Variants in PTPRM observed in about 807,000 individuals in gnomAD.
PTPRM encodes the protein protein tyrosine phosphatase receptor type M, also known as receptor-type tyrosine-protein phosphatase mu.
A neutral mutation model predicts 186.7 loss-of-function variants in PTPRM; 47 were observed. The ratio of observed to expected loss-of-function variants is 0.25; its 90% confidence interval spans 0.20 to 0.32. The LOEUF (loss-of-function observed/expected upper bound fraction) is 0.32. Among genes scored for constraint, PTPRM ranks in the 10% least tolerant of loss-of-function variants. PTPRM has a pLI of 1.00. For missense variants in PTPRM, 1,494 were observed against 1,865.0 expected (o/e 0.80, Z 3.66); for synonymous variants, 668 against 674.9 (o/e 0.99, Z 0.16).
At chr18:7,600,154 A>T (rs1208264733) in intron 1 of PTPRM, among the ~76,000 whole-genome samples, 1 of 152,160 alleles carries the variant, frequency 6.6e-6, no homozygotes, top group Non-Finnish European at 1.5e-5. Context: ...GCTGAAGGGT[A>T]AGTTATTTTA....
chr18:7,802,007 T>C (rs2043995891), intron 2 of PTPRM, among the ~76,000 whole-genome samples: 1 of 152,184 alleles, frequency 6.6e-6, no homozygotes, highest in Non-Finnish European at 1.5e-5. Flanking sequence ...TATTGGAGAG[T>C]ATAGTGGAGA....
At chr18:8,079,813 G>A (rs960354131) in intron 9 of PTPRM, among the ~76,000 whole-genome samples, 5 of 152,062 alleles carry the variant, frequency 3.3e-5, no homozygotes, top group Admixed American at 3.3e-4. Flanking sequence ...TCTGAATGAT[G>A]AAAGATACCA....
chr18:7,874,186 C>T (rs377737433), intron 2 of PTPRM, among the ~76,000 whole-genome samples: 5 of 152,032 alleles, frequency 3.3e-5, no homozygotes, highest in African/African-American at 1.2e-4. Context: ...CTGAGGGAAA[C>T]ATACTATTGT....
chr18:7,882,095 A>G (rs1305800503), intron 2 of PTPRM, among the ~76,000 whole-genome samples: 1 of 152,202 alleles, frequency 6.6e-6, no homozygotes, highest in Non-Finnish European at 1.5e-5. Context: ...TGGTCGGCAG[A>G]TCAGAGCTGG....
At chr18:7,878,222 T>C (rs1490404420) in intron 2 of PTPRM, among the ~76,000 whole-genome samples, 1 of 152,350 alleles carries the variant, frequency 6.6e-6, no homozygotes, top group Non-Finnish European at 1.5e-5. Flanking sequence ...TATTGGTATT[T>C]TGATGCTTTT....
intron 13 of PTPRM, among the ~76,000 whole-genome samples, chr18:8,142,445 CCAAAGGACA>C (rs2092787295): frequency 6.6e-6 from 1 of 152,026 alleles, no homozygotes; most frequent in African/African-American, 2.4e-5. Context: ...TTACGTGTTC[CCAAAGGACA>C]CAAAAAAACA....
chr18:7,825,410 G>A (rs1450498251), intron 2 of PTPRM, among the ~76,000 whole-genome samples: 1 of 152,122 alleles, frequency 6.6e-6, no homozygotes, highest in East Asian at 1.9e-4. Flanking sequence ...ATCACTGAAA[G>A]GTAAGAGCAC....
intron 4 of PTPRM, among the ~76,000 whole-genome samples, chr18:7,916,360 T>A (rs2050555709): frequency 6.6e-6 from 1 of 152,252 alleles, no homozygotes; most frequent in Admixed American, 6.5e-5. Flanking sequence ...TTTTTAACTC[T>A]TATAACGTTT....
intron 2 of PTPRM, among the ~76,000 whole-genome samples, chr18:7,871,174 C>A (rs1363655692): frequency 6.6e-6 from 1 of 152,170 alleles, no homozygotes; most frequent in East Asian, 1.9e-4. Context: ...TAAATCACAT[C>A]TTGATTTCAG....
At chr18:7,700,993 AAAAG>A (rs1555654263) in intron 1 of PTPRM, among the ~76,000 whole-genome samples, 1 of 107,322 alleles carries the variant, frequency 9.3e-6, no homozygotes, top group Non-Finnish European at 1.7e-5. Flanking sequence ...AAAAAAAAAA[AAAAG>A]AAAGAAAAAG....
At chr18:7,763,746 A>G (rs1311878742) in intron 1 of PTPRM, among the ~76,000 whole-genome samples, 1 of 152,246 alleles carries the variant, frequency 6.6e-6, no homozygotes, top group African/African-American at 2.4e-5. Flanking sequence ...AGTTGAGTTT[A>G]GGTTAATCAA....
At chr18:7,829,268 A>G (rs1405763015) in intron 2 of PTPRM, among the ~76,000 whole-genome samples, 1 of 152,210 alleles carries the variant, frequency 6.6e-6, no homozygotes. Flanking sequence ...TTTTCAGGAA[A>G]CTTGTATCTA....
intron 14 of PTPRM, among the ~76,000 whole-genome samples, chr18:8,177,411 T>C (rs866672372): frequency 1.3e-5 from 2 of 152,048 alleles, no homozygotes; most frequent in Non-Finnish European, 2.9e-5. Flanking sequence ...GTTCACAGAG[T>C]TCCCCTTCAC....
At chr18:7,796,448 C>T in intron 2 of PTPRM, among the ~76,000 whole-genome samples, 1 of 152,220 alleles carries the variant, frequency 6.6e-6, no homozygotes, top group Non-Finnish European at 1.5e-5. Context: ...GGCATGGGTA[C>T]ACTTTTTACC....
At chr18:8,066,317 C>T (rs145375540) in intron 7 of PTPRM, among the ~76,000 whole-genome samples, 1 of 152,160 alleles carries the variant, frequency 6.6e-6, no homozygotes, top group East Asian at 1.9e-4. Flanking sequence ...TAGCACATGG[C>T]ATTTCCTTTA....
chr18:8,330,971 A>T (rs1020488627), intron 22 of PTPRM, among the ~76,000 whole-genome samples: 16 of 151,608 alleles, frequency 1.1e-4, no homozygotes, highest in African/African-American at 3.9e-4. Flanking sequence ...TTGTTGCCAC[A>T]CACTACCTAC....
intron 2 of PTPRM, among the ~76,000 whole-genome samples, chr18:7,784,566 A>C (rs2043008842): frequency 6.6e-6 from 1 of 152,194 alleles, no homozygotes; most frequent in African/African-American, 2.4e-5. Flanking sequence ...GGCACTAGAA[A>C]TTATGTTTCA....
chr18:8,090,973 A>G (rs1425001568), intron 11 of PTPRM, among the ~76,000 whole-genome samples: 1 of 152,152 alleles, frequency 6.6e-6, no homozygotes, highest in African/African-American at 2.4e-5. Flanking sequence ...AGTCTTTACA[A>G]GGTGCCAGGC....
intron 1 of PTPRM, among the ~76,000 whole-genome samples, chr18:7,730,998 C>T (rs772705870): frequency 2.6e-5 from 4 of 152,172 alleles, no homozygotes; most frequent in Non-Finnish European, 4.4e-5. Flanking sequence ...GGAAATTCAG[C>T]GTGAACATCC....
Sources: gnomAD v4.1 joint callset for allele counts (sites outside exome capture counted in the v4.1 genomes callset) on GRCh38, gnomAD v4.1.1 for gene constraint, MANE v1.5 for transcripts, NCBI Gene and HGNC (gene_info 2026-07-23, HGNC 2026-07-21) for gene names.